ANO1: variants seen among roughly 807,000 people sequenced by gnomAD.
The protein encoded by ANO1 is anoctamin 1.
Under a neutral mutation model 124.0 loss-of-function variants are expected in ANO1, and 59 were observed. That is an observed-to-expected ratio of 0.48 (90% CI 0.39 to 0.59). ANO1 has a LOEUF of 0.59. Ranked by LOEUF, ANO1 falls within the 20% of genes least tolerant of loss-of-function variation. The pLI is 0.00. For missense variants in ANO1, 1,059 were observed against 1,328.0 expected, an observed-to-expected ratio of 0.80 and a Z score of 3.15; for synonymous variants, 529 against 532.0, an observed-to-expected ratio of 0.99 and a Z score of 0.08.
At chr11:70,010,074 C>T (rs1404845100) in intron 1 of ANO1, among the ~76,000 whole-genome samples, 1 of 151,252 alleles carries the variant, frequency 6.6e-6, no homozygotes, top group Non-Finnish European at 1.5e-5. Flanking sequence ...TCTCCAACTC[C>T]ATCCAGGTTG....
intron 1 of ANO1, among the ~76,000 whole-genome samples, chr11:70,043,840 G>A (rs1857216379): frequency 6.6e-6 from 1 of 152,076 alleles, no homozygotes; most frequent in African/African-American, 2.4e-5. Context: ...TCAGGCAAAA[G>A]GAAAATGATA....
At chr11:70,164,543 G>A (rs748862452) in intron 19 of ANO1, among the ~76,000 whole-genome samples, 4 of 152,224 alleles carry the variant, frequency 2.6e-5, no homozygotes, top group Non-Finnish European at 5.9e-5. Flanking sequence ...CAAAAGCATG[G>A]CTCTCCAAGA....
At chr11:69,974,886 C>T in the ANO1 span, among the ~76,000 whole-genome samples, 1 of 78,554 alleles carries the variant, frequency 1.3e-5, no homozygotes, top group Admixed American at 1.4e-4. Context: ...GCCTCCGTCT[C>T]TAAAAAAAAA....
At chr11:70,011,332 T>C (rs1555001095) in intron 1 of ANO1, among the ~76,000 whole-genome samples, 3 of 152,160 alleles carry the variant, frequency 2.0e-5, no homozygotes, top group Non-Finnish European at 4.4e-5. Context: ...ATTTAGTGCC[T>C]GTCAGCCAGG....
intron 1 of ANO1, among the ~76,000 whole-genome samples, chr11:70,001,895 G>T (rs556696585): frequency 7.2e-5 from 11 of 152,194 alleles, no homozygotes; most frequent in Non-Finnish European, 1.3e-4. Context: ...TGCTTCTCGA[G>T]TTCAAGCAAG....
At position 69,987,604 on chromosome 11, in the gene ANO1, C is replaced by CA. The variant is rs202001305; in HGVS notation, c.58+1470dup. Among the ~76,000 whole-genome samples, 141 of 109,684 alleles carry CA rather than the reference C, an allele frequency of 1.3e-3. 1 individual carries two copies. Among genetic ancestry groups the CA allele is most frequent in the African/African-American group, 5.2e-3 (121 of 23,322 alleles). The allele number at this position is 109,684 out of a possible 152,430, so 72.0% of individuals were successfully genotyped here. On this transcript the variant is annotated intron_variant, in intron 1 of 27. Transcript: ENST00000531349. ...TGGGTAACAGAGCAAGACCATGTCT[C>CA]AAAAAAAAAAAAAAAAAAAAAAAAA...
At chr11:70,010,196 T>TATATATATATATATATA (rs1856576875) in intron 1 of ANO1, among the ~76,000 whole-genome samples, 9 of 140,806 alleles carry the variant, frequency 6.4e-5, no homozygotes, top group Admixed American at 1.5e-4. Context: ...TATATATATA[T>TATATATATATATATATA]ATCACATTTT....
chr11:69,983,548 G>T (rs1554996519), upstream of ANO1, among the ~76,000 whole-genome samples: 1 of 152,206 alleles, frequency 6.6e-6, no homozygotes, highest in Non-Finnish European at 1.5e-5. Context: ...TCTGCAGCGT[G>T]GGGTTCCCCA....
chr11:70,003,844 T>A (rs1856432512), intron 1 of ANO1, among the ~76,000 whole-genome samples: 1 of 152,168 alleles, frequency 6.6e-6, no homozygotes. Flanking sequence ...AAGTAGGGAC[T>A]GGATGGCTAC....
chr11:70,036,494 C>G (rs1857095521), intron 1 of ANO1, among the ~76,000 whole-genome samples: 1 of 152,192 alleles, frequency 6.6e-6, no homozygotes, highest in African/African-American at 2.4e-5. Flanking sequence ...GTAAGGAAGG[C>G]CTGCTCGGTG....
intron 2 of ANO1, among the ~76,000 whole-genome samples, chr11:70,088,525 A>AG (rs60694183): frequency 0.49 from 53,221 of 108,608 alleles, 11,822 homozygotes; most frequent in East Asian, 0.56. Flanking sequence ...AAAAAAAAAA[A>AG]AAAGAAGAAG....
rs1175903378 is a variant in ANO1, at chr11:70,095,384, AAG to A, written c.441+7302_441+7303del. Among the ~76,000 whole-genome samples the A allele has an allele frequency of 1.7e-4, 6 of 35,842 alleles. 1 individual carries two copies. The highest frequency in any genetic ancestry group is 3.5e-4 in the Admixed American group (1 of 2,874). The allele number at this position is 35,842 out of a possible 152,430, so 23.5% of individuals were successfully genotyped here. On this transcript the variant is annotated intron_variant, in intron 2 of 25. Coordinates refer to ENST00000355303, the MANE Select transcript of ANO1 (RefSeq NM_018043.7). ...AAAGAAAGAAAGAAAGAAAGAAAGAAAGAAAGAAAGAAAGAAAGAAAGAAAGA... is the reference window on the plus strand; with the variant it reads ...AAAGAAAGAAAGAAAGAAAGAAAGAAAAAGAAAGAAAGAAAGAAAGAAAGA...
chr11:70,052,839 G>A (rs899006595), intron 1 of ANO1, among the ~76,000 whole-genome samples: 9 of 152,068 alleles, frequency 5.9e-5, no homozygotes, highest in Admixed American at 1.3e-4. Context: ...AAGCCACTGC[G>A]CCCGGCCCCA....
At chr11:70,089,998 TG>T (rs58333257) in intron 2 of ANO1, among the ~76,000 whole-genome samples, 75 of 1,736 alleles carry the variant, frequency 0.043, no homozygotes, top group East Asian at 0.33. Context: ...AGGGTTTGTT[TG>T]TTTGTTTGTT....
intron 11 of ANO1, among the ~76,000 whole-genome samples, chr11:70,141,202 A>G (rs1436619136): frequency 6.6e-6 from 1 of 152,176 alleles, no homozygotes; most frequent in African/African-American, 2.4e-5. Context: ...GCGTAGTGCT[A>G]CTGAGCGCGC....
chr11:70,028,844 C>T (rs374433134), intron 1 of ANO1, among the ~76,000 whole-genome samples: 14 of 152,106 alleles, frequency 9.2e-5, no homozygotes, highest in South Asian at 2.1e-4. Flanking sequence ...TGCAATGGTA[C>T]GACCTCAACT....
At chr11:69,980,494 G>A in the ANO1 span, among the ~76,000 whole-genome samples, 7 of 151,848 alleles carry the variant, frequency 4.6e-5, no homozygotes, top group African/African-American at 7.3e-5. Flanking sequence ...GGTGGTGGGC[G>A]CCTGTAGTCC....
chr11:70,179,302 C>T (rs1425555644), intron 22 of ANO1, among the ~76,000 whole-genome samples: 3 of 152,194 alleles, frequency 2.0e-5, no homozygotes, highest in Non-Finnish European at 4.4e-5. Flanking sequence ...GGGGTCAGCC[C>T]GGGACACTGG....
intron 1 of ANO1, chr11:70,085,342 C>T: frequency 7.0e-7 from 1 of 1,423,012 alleles, no homozygotes; most frequent in Non-Finnish European, 9.2e-7. Context: ...CCCAAGCCAC[C>T]CACCCACATG....
Sources: allele counts gnomAD v4.1 joint callset (sites outside exome capture counted in the v4.1 genomes callset), GRCh38; gene constraint gnomAD v4.1.1; transcripts MANE v1.5; gene names NCBI Gene and HGNC (gene_info 2026-07-23, HGNC 2026-07-21).